The following DNTTIP1 variants were observed in gnomAD, a reference collection of about 807,000 sequenced individuals.
The protein encoded by DNTTIP1 is deoxynucleotidyltransferase terminal interacting protein 1, also known as deoxynucleotidyltransferase terminal-interacting protein 1.
A neutral mutation model predicts 52.9 loss-of-function variants in DNTTIP1; 22 were observed. That is an observed-to-expected ratio of 0.42 (90% confidence interval 0.30 to 0.59). DNTTIP1 has a LOEUF of 0.59. Ranked by LOEUF, DNTTIP1 falls within the 20% of genes least tolerant of loss-of-function variation. DNTTIP1 has a pLI of 0.22. For missense variants in DNTTIP1, 286 were observed against 435.5 expected (o/e 0.66, Z 3.06); for synonymous variants, 136 against 155.1 (o/e 0.88, Z 0.92).
chr20:45,798,190 G>A (rs1981305323), intron 4 of DNTTIP1, among the ~76,000 whole-genome samples: 1 of 152,156 alleles, frequency 6.6e-6, no homozygotes, highest in African/African-American at 2.4e-5. Context: ...TAGGGACATG[G>A]ATGAAGCTGG....
chr20:45,802,085 A>G (rs754916575), intron 7 of DNTTIP1, 28 bp downstream of exon 7: 16 of 1,612,610 alleles, frequency 9.9e-6, no homozygotes, highest in Non-Finnish European at 1.4e-5. Flanking sequence ...GTGTGGTGAG[A>G]GCATAGGGGA....
chr20:45,808,806 C>A (rs1043266069), intron 10 of DNTTIP1, among the ~76,000 whole-genome samples: 13 of 152,104 alleles, frequency 8.5e-5, no homozygotes, highest in Admixed American at 6.6e-4. Flanking sequence ...AAGCCACCTC[C>A]GATCATTTTT....
intron 10 of DNTTIP1, among the ~76,000 whole-genome samples, chr20:45,806,377 G>A (rs1981649682): frequency 8.4e-6 from 1 of 119,210 alleles, no homozygotes; most frequent in Admixed American, 9.1e-5. Context: ...AATAGAGTTT[G>A]GAGCAAGGCA....
intron 1 of DNTTIP1, 62 bp downstream of exon 1, chr20:45,792,171 C>A: frequency 1.9e-6 from 2 of 1,040,612 alleles, no homozygotes; most frequent in Non-Finnish European, 2.5e-6. Flanking sequence ...CTCCTGGGAC[C>A]CTGGCCCGCG....
At chr20:45,811,020 C>T (rs772398394) in intron 12 of DNTTIP1, 37 bp from the exon 13 acceptor site, 6 of 1,613,132 alleles carry the variant, frequency 3.7e-6, no homozygotes, top group Non-Finnish European at 5.1e-6. Flanking sequence ...CCTACATCCT[C>T]ACTTCCCCCA....
chr20:45,792,536 A>G, intron 1 of DNTTIP1, 141 bp from the exon 2 acceptor site: 1 of 650,396 alleles, frequency 1.5e-6, no homozygotes, highest in East Asian at 3.0e-5. Context: ...CCTTACAACT[A>G]TCGTCCCACC....
intron 4 of DNTTIP1, chr20:45,796,586 G>A (rs894519478): frequency 1.7e-5 from 8 of 470,274 alleles, no homozygotes; most frequent in Non-Finnish European, 3.5e-5. Context: ...TCCCAAGATA[G>A]TAGAGAACCT....
chr20:45,799,952 CAAA>C (rs11360135), intron 4 of DNTTIP1, among the ~76,000 whole-genome samples: 84 of 125,468 alleles, frequency 6.7e-4, no homozygotes, highest in Admixed American at 2.7e-3. Context: ...CTAAAAATAC[CAAA>C]AAAAAAAAAA....
At chr20:45,803,174 T>C (rs1766574375) in intron 7 of DNTTIP1, 159 bp from the exon 8 acceptor site, 4 of 654,462 alleles carry the variant, frequency 6.1e-6, no homozygotes, top group South Asian at 2.0e-5. Flanking sequence ...AGTCCAGTGC[T>C]TTTTTTCCCT....
At chr20:45,796,612 C>A in intron 4 of DNTTIP1, 1 of 465,422 alleles carries the variant, frequency 2.1e-6, no homozygotes, top group South Asian at 1.6e-5. Flanking sequence ...CATGTGTCAG[C>A]TGCTGTTATT....
At position 45,805,394 on chromosome 20, in the gene DNTTIP1, C is replaced by T. The variant is rs748723868; in HGVS notation, c.723+28C>T. Reference sequence around the variant, plus strand: ...AGGTGACTGCTGGGAGGAAAGCAGGCCATTGCATTGGGAGTAGACTGGGAA... The same window carrying T: ...AGGTGACTGCTGGGAGGAAAGCAGGTCATTGCATTGGGAGTAGACTGGGAA... On this transcript the variant is annotated intron_variant, in intron 10 of 12. Coordinates refer to ENST00000372622, the MANE Select transcript of DNTTIP1 (RefSeq NM_052951.3). The T allele has an allele frequency of 1.9e-6, 3 of 1,610,312 alleles. No homozygotes were observed. The East Asian group carries it at 6.7e-5, about 36-fold the overall frequency.
At chr20:45,792,837 A>G in intron 2 of DNTTIP1, 90 bp downstream of exon 2, 3 of 1,185,334 alleles carry the variant, frequency 2.5e-6, no homozygotes, top group Non-Finnish European at 3.5e-6. Flanking sequence ...ATGGAGATCT[A>G]CAGCCGGTAG....
chr20:45,804,684 G>A (rs1981578106), intron 8 of DNTTIP1, among the ~76,000 whole-genome samples: 2 of 152,174 alleles, frequency 1.3e-5, no homozygotes, highest in Non-Finnish European at 2.9e-5. Flanking sequence ...ATTACTAGTA[G>A]TTTCTCCAGC....
chr20:45,796,565 T>C (rs1168858809), intron 4 of DNTTIP1: 2 of 471,022 alleles, frequency 4.2e-6, no homozygotes, highest in Non-Finnish European at 8.8e-6. Flanking sequence ...ATCAGGTCTA[T>C]AAATGACTGT....
At chr20:45,807,008 A>G (rs1981672633) in intron 10 of DNTTIP1, among the ~76,000 whole-genome samples, 1 of 152,124 alleles carries the variant, frequency 6.6e-6, no homozygotes, top group East Asian at 1.9e-4. Context: ...ACTTGAACAA[A>G]TGGCTCCACA....
Position 45,805,312 on chromosome 20 carries a change from G to A in DNTTIP1, c.669G>A (p.Leu223=). Residue 223 remains leucine (L), a synonymous_variant, in exon 10 of 13, where the codon CTG becomes CTA. Coordinates refer to ENST00000372622, the MANE Select transcript of DNTTIP1 (RefSeq NM_052951.3). The part of the protein sequence containing the change: ...FVLGSRANKA[L]GMGGTRGRIY... ...CTTGGCTTTTACTTTTCAGAGCCCT[G>A]GGGATGGGGGGCACCAGAGGAAGAA... is the stretch of plus-strand genomic sequence containing the variant. The A allele has an allele frequency of 1.2e-6, 2 of 1,614,140 alleles. No homozygotes were observed. Among genetic ancestry groups the A allele is most frequent in the Non-Finnish European group, 1.7e-6 (2 of 1,180,014 alleles).
At chr20:45,792,524 G>T in intron 1 of DNTTIP1, 153 bp from the exon 2 acceptor site, 1 of 572,030 alleles carries the variant, frequency 1.7e-6, no homozygotes. Context: ...TTGTGGAGGA[G>T]GCCTTACAAC....
chr20:45,801,003 A>AT, intron 4 of DNTTIP1, 71 bp from the exon 5 acceptor site: 6 of 1,353,542 alleles, frequency 4.4e-6, no homozygotes, highest in Non-Finnish European at 6.3e-6. Context: ...CCAAAAAAAA[A>AT]AAAGGAAGTA....
intron 4 of DNTTIP1, among the ~76,000 whole-genome samples, chr20:45,797,317 T>C (rs1260240446): frequency 6.6e-6 from 1 of 152,138 alleles, no homozygotes; most frequent in Non-Finnish European, 1.5e-5. Flanking sequence ...TTACACCTTA[T>C]ACAAAAATTA....
Sources: gnomAD v4.1 joint callset for allele counts (sites outside exome capture counted in the v4.1 genomes callset) on GRCh38, gnomAD v4.1.1 for gene constraint, MANE v1.5 for transcripts, NCBI Gene and HGNC (gene_info 2026-07-23, HGNC 2026-07-21) for gene names.